Variants in CSMD2 observed in about 807,000 individuals in gnomAD.
CSMD2 encodes the protein CUB and Sushi multiple domains 2.
CSMD2 carries 130 observed loss-of-function variants against 398.5 expected under a neutral mutation model. The ratio of observed to expected loss-of-function variants is 0.33; its 90% CI spans 0.28 to 0.38. The LOEUF is 0.38. Ranked by LOEUF, CSMD2 falls within the 10% of genes least tolerant of loss-of-function variation. The pLI, the probability that CSMD2 is intolerant of heterozygous loss-of-function variation, is 1.00. For missense variants in CSMD2, 3,829 were observed against 4,764.9 expected (o/e 0.80, Z 5.78); for synonymous variants, 1,828 against 1,908.5 (o/e 0.96, Z 1.10).
chr1:33,939,113 A>G (rs934293379), intron 3 of CSMD2, among the ~76,000 whole-genome samples: 1 of 150,028 alleles, frequency 6.7e-6, no homozygotes, highest in Non-Finnish European at 1.5e-5. Context: ...GGTGTTTCCC[A>G]TGATCCTGTA....
intron 3 of CSMD2, among the ~76,000 whole-genome samples, chr1:33,942,671 A>G (rs1644714356): frequency 1.3e-5 from 2 of 152,238 alleles, no homozygotes; most frequent in Non-Finnish European, 2.9e-5. Context: ...TAACGTGAGA[A>G]ACAGAGCCTC....
intron 3 of CSMD2, among the ~76,000 whole-genome samples, chr1:33,962,310 T>A (rs1645390826): frequency 6.6e-6 from 1 of 152,074 alleles, no homozygotes; most frequent in African/African-American, 2.4e-5. Flanking sequence ...GTGGGCATGT[T>A]GCTACTTAGG....
chr1:33,614,624 T>C lies in CSMD2; in HGVS notation c.6017-4A>G. 6.4e-7 allele frequency: 1 copy of C among 1,563,634 alleles called. No individual in the cohort carries two copies. Among genetic ancestry groups the C allele is most frequent in the Non-Finnish European group, 8.8e-7 (1 of 1,134,570 alleles). On this transcript the variant is annotated splice_polypyrimidine_tract_variant and splice_region_variant and intron_variant, in intron 39 of 70. Coordinates refer to ENST00000373381, the MANE Select transcript of CSMD2 (RefSeq NM_001281956.2). The stretch of plus-strand genomic sequence containing the variant: ...TCCACTGTTCCCCCACACTGTGCTG[T>C]GACAATGAGATGAGACAGAGGGTCA...
intron 44 of CSMD2, among the ~76,000 whole-genome samples, chr1:33,591,340 T>C (rs1639441210): frequency 6.6e-6 from 1 of 152,164 alleles, no homozygotes; most frequent in African/African-American, 2.4e-5. Flanking sequence ...TGAGCTCACA[T>C]GGTTCATTTG....
At chr1:33,923,564 A>C (rs1030574740) in intron 4 of CSMD2, among the ~76,000 whole-genome samples, 1 of 152,224 alleles carries the variant, frequency 6.6e-6, no homozygotes, top group African/African-American at 2.4e-5. Flanking sequence ...AGCCTAACAC[A>C]GTAGGTGTAA....
rs140414813 is a variant in CSMD2, at chr1:33,625,096, G to A, written c.5455C>T (p.Pro1819Ser). 6.3e-4 allele frequency: 1,018 copies of A among 1,614,082 alleles called. 8 individuals carry two copies. The African/African-American group carries it at 0.012, about 19-fold the overall frequency. Residue 1819 changes from proline to serine, a missense_variant, in exon 34 of 71, where the codon CCT (proline) becomes TCT (serine). Pro to Ser is a moderately conservative substitution (Grantham distance 74). This residue lies in a region of CSMD2 where 2,001 missense variants were observed against 2,567.1 expected (regional missense o/e 0.78). Transcript: ENST00000373381. ...ACATTCCATTGGGCCAAGGCCCCAG[G>A]CACAGGGAGGCACTCGATCTCTGGC... Reference protein sequence around the residue: ...GSPEIECLPVPGALAQWNVSA... With the variant: ...GSPEIECLPVSGALAQWNVSA...
chr1:34,142,932 A>C (rs529534104), intron 1 of CSMD2, among the ~76,000 whole-genome samples: 5 of 152,260 alleles, frequency 3.3e-5, no homozygotes, highest in African/African-American at 1.2e-4. Context: ...GACTCTATCT[A>C]GGGCTGCGAC....
chr1:34,124,996 G>A (rs1662590314), intron 1 of CSMD2, among the ~76,000 whole-genome samples: 1 of 152,126 alleles, frequency 6.6e-6, no homozygotes, highest in Non-Finnish European at 1.5e-5. Context: ...GTCTTACAAT[G>A]GGAATGAGTG....
chr1:33,614,659 C>T (rs745569473), intron 39 of CSMD2, 39 bp from the exon 40 acceptor site: 24 of 1,244,580 alleles, frequency 1.9e-5, no homozygotes, highest in Non-Finnish European at 2.7e-5. Flanking sequence ...AGGACAACAT[C>T]AAGGGGTGTA....
At chr1:33,599,138 G>C (rs935285555) in intron 44 of CSMD2, 7 of 152,230 alleles carry the variant, frequency 4.6e-5, no homozygotes, top group Admixed American at 4.6e-4. Context: ...TTACACCATA[G>C]CAAGGGCCTT....
intron 45 of CSMD2, among the ~76,000 whole-genome samples, 175 bp downstream of exon 45, chr1:33,586,913 A>G (rs1639119308): frequency 6.6e-6 from 1 of 152,038 alleles, no homozygotes; most frequent in South Asian, 2.1e-4. Context: ...TCCCCTTTTG[A>G]TTTTATTTTG....
chr1:34,004,679 A>AG (rs1241510957), intron 3 of CSMD2, among the ~76,000 whole-genome samples: 1 of 152,068 alleles, frequency 6.6e-6, no homozygotes, highest in Non-Finnish European at 1.5e-5. Context: ...AGGGTGTAGG[A>AG]GGGGAGGGAG....
intron 44 of CSMD2, chr1:33,600,430 T>C (rs1054834244): frequency 1.8e-6 from 1 of 552,932 alleles, no homozygotes; most frequent in African/African-American, 2.0e-5. Context: ...ATACTCTTCC[T>C]ACTCAAAATC....
chr1:33,612,406 AT>A (rs1229774218), intron 40 of CSMD2, among the ~76,000 whole-genome samples: 1 of 152,198 alleles, frequency 6.6e-6, no homozygotes, highest in Non-Finnish European at 1.5e-5. Context: ...AATCACATGA[AT>A]TTGGAAGCTA....
chr1:33,521,487 C>T lies in CSMD2; in HGVS notation c.10573G>A (p.Gly3525Arg). 1.2e-6 allele frequency: 2 copies of T among 1,613,514 alleles called. No homozygotes were observed. The highest frequency in any genetic ancestry group is 1.7e-6 in the Non-Finnish European group (2 of 1,179,406). ...YQGSVKGQGF[G>R]QFGFQRLDLR... Reference sequence around the variant, plus strand: ...CCCAGTCTTTGAAAGCCGAACTGCCCAAAGCCTTGGCCCTTGACAGAGCCT... The same window carrying T: ...CCCAGTCTTTGAAAGCCGAACTGCCTAAAGCCTTGGCCCTTGACAGAGCCT... Residue 3525 changes from glycine (G) to arginine (R), a missense_variant, in exon 68 of 71, where the codon GGG becomes AGG. Gly to Arg is a moderately radical substitution (Grantham distance 125). This residue lies in a region of CSMD2 where 917 missense variants were observed against 1,199.5 expected (regional missense o/e 0.76). Coordinates refer to ENST00000373381, the MANE Select transcript of CSMD2 (RefSeq NM_001281956.2).
At chr1:33,990,918 G>C (rs1646530849) in intron 3 of CSMD2, among the ~76,000 whole-genome samples, 1 of 151,876 alleles carries the variant, frequency 6.6e-6, no homozygotes, top group Non-Finnish European at 1.5e-5. Flanking sequence ...ATATTGCATG[G>C]GTCATACTTA....
chr1:33,515,897 T>A lies in CSMD2; in HGVS notation c.*727A>T, dbSNP rs562780848. 3.5e-4 allele frequency: 53 copies of A among 152,338 alleles called. No individual in the cohort carries two copies. The highest frequency in any genetic ancestry group is 1.2e-3 in the African/African-American group (50 of 41,550). The allele number at this position is 152,338 out of a possible 1,614,324, so 9.4% of individuals were successfully genotyped here. On this transcript the variant is annotated 3_prime_UTR_variant, in exon 71 of 71. Coordinates refer to ENST00000373381, the MANE Select transcript of CSMD2 (RefSeq NM_001281956.2). ...TCCCAGGACCCAAATGACTTTTTAA[T>A]CCACTGGGTTTAGAACTCAATAAAA...
chr1:33,518,635 G>C lies in CSMD2; in HGVS notation c.*53+830C>G, dbSNP rs1238593249. 6.6e-6 allele frequency among the ~76,000 whole-genome samples: 1 copy of C among 152,080 alleles called. No homozygotes were observed. Among genetic ancestry groups the C allele is most frequent in the Non-Finnish European group, 1.5e-5 (1 of 68,014 alleles). ...AGTCTCCATAATGTGTGTGGGCCTC[G>C]TTCAATCAGCTGAAGGCCTTAAGAA... On this transcript the variant is annotated intron_variant, in intron 70 of 70. Transcript: ENST00000373381. This position sits in a 1 kb window ranked among gnomAD's most constrained non-coding sequence, Gnocchi z 4.3.
intron 1 of CSMD2, among the ~76,000 whole-genome samples, chr1:34,161,136 T>A (rs1169120926): frequency 6.6e-6 from 1 of 152,020 alleles, no homozygotes; most frequent in Non-Finnish European, 1.5e-5. Flanking sequence ...GTTTCTGGGC[T>A]CCATAACTGG....
Sources: allele counts gnomAD v4.1 joint callset (sites outside exome capture counted in the v4.1 genomes callset), GRCh38; gene constraint gnomAD v4.1.1; regional missense constraint gnomAD v4.1.1; non-coding constraint Gnocchi (gnomAD v3.1); transcripts MANE v1.5; gene names NCBI Gene and HGNC (gene_info 2026-07-23, HGNC 2026-07-21).